The following CUL5 variants were observed in gnomAD, a reference collection of about 807,000 sequenced individuals.
CUL5 encodes the protein cullin 5.
A neutral mutation model predicts 108.8 loss-of-function variants in CUL5; 26 were observed. The ratio of observed to expected loss-of-function variants is 0.24; its 90% confidence interval spans 0.18 to 0.33. The LOEUF (loss-of-function observed/expected upper bound fraction) is 0.33, where lower values mean the gene tolerates loss of function less well. CUL5 is among the 10% of genes least tolerant of loss of function. CUL5 has a pLI of 1.00. For missense variants in CUL5, 524 were observed against 909.2 expected, an observed-to-expected ratio of 0.58 and a Z score of 5.45; for synonymous variants, 334 against 298.0, an observed-to-expected ratio of 1.12 and a Z score of -1.25.
rs564423495 is a variant in CUL5, at chr11:108,051,073, A to G, written c.411+1007A>G. On this transcript the variant is annotated intron_variant, in intron 4 of 18. Coordinates refer to ENST00000393094, the MANE Select transcript of CUL5 (RefSeq NM_003478.6). ...TACAGTAAAACACTCAGGCATTACA[A>G]TAGTGTAACCTGGGCATTGTTGCCC... Among the ~76,000 whole-genome samples, 5 of 152,324 alleles carry G rather than the reference A, an allele frequency of 3.3e-5. 1 individual carries two copies. The South Asian group carries it at 6.2e-4, about 19-fold the overall frequency.
intron 1 of CUL5, among the ~76,000 whole-genome samples, chr11:108,013,386 T>C (rs1862100930): frequency 6.6e-6 from 1 of 152,264 alleles, no homozygotes; most frequent in African/African-American, 2.4e-5. Flanking sequence ...GTTCTCACCA[T>C]ATCACTTTCC....
intron 18 of CUL5, among the ~76,000 whole-genome samples, chr11:108,101,983 T>C (rs1275183761): frequency 6.6e-6 from 1 of 152,192 alleles, no homozygotes; most frequent in Non-Finnish European, 1.5e-5. Flanking sequence ...AGGAATTCAC[T>C]TGACCTTCTG....
intron 15 of CUL5, 102 bp downstream of exon 15, chr11:108,095,089 T>C: frequency 1.0e-6 from 1 of 962,844 alleles, no homozygotes; most frequent in Non-Finnish European, 1.5e-6. Context: ...CTCTCTCACA[T>C]GTAAAAGTTT....
Position 108,015,798 on chromosome 11 carries a change from G to C in CUL5, c.24+6426G>C, listed in dbSNP as rs1006219192. On this transcript the variant is annotated intron_variant, in intron 1 of 18. Transcript: ENST00000393094. ...GTATGTTAATTAAAACTTCTAAAAG[G>C]AAGTGGCAGCTCAGGGTAAATTTTG... is the stretch of plus-strand genomic sequence containing the variant. Among the ~76,000 whole-genome samples, 24 of 152,192 alleles carry C rather than the reference G, an allele frequency of 1.6e-4. 1 individual carries two copies. The highest frequency in any genetic ancestry group is 4.8e-4 in the African/African-American group (20 of 41,446).
At chr11:108,027,901 C>T (rs548547344) in intron 1 of CUL5, among the ~76,000 whole-genome samples, 1 of 152,240 alleles carries the variant, frequency 6.6e-6, no homozygotes, top group Admixed American at 6.5e-5. Flanking sequence ...TACTTTTTGT[C>T]CAGAATACCA....
rs1308458840 is a variant in CUL5 at position 108,078,288 on chromosome 11, T to G, written c.1178+48T>G. ...TTAAAAATACTTAAATTTTCTTTAG[T>G]GTAATAGGGGTTAACTAGGTATACA... On this transcript the variant is annotated intron_variant, in intron 11 of 18. Transcript: ENST00000393094. 5 of 1,104,970 alleles carry G rather than the reference T, an allele frequency of 4.5e-6. No individual in the cohort carries two copies. In the Admixed American group the frequency reaches 6.3e-5, roughly 14 times the overall value. The allele number at this position is 1,104,970 out of a possible 1,614,324, so 68.4% of individuals were successfully genotyped here. A position where few individuals can be genotyped will look rare whatever the true frequency, so the allele number is the denominator to read the frequency against.
rs1474029256 is a variant in CUL5, at chr11:108,027,295, A to G, written c.25-6507A>G. 3.4e-5 allele frequency among the ~76,000 whole-genome samples: 5 copies of G among 147,814 alleles called. No individual in the cohort carries two copies. The East Asian group carries it at 6.0e-4, about 18-fold the overall frequency. Reference sequence around the variant, plus strand: ...CTAATTTTTTTTTTTTTTCTTTGAGACAGTCTCCCCCTGCTGTCCAGGCTG... The same window carrying G: ...CTAATTTTTTTTTTTTTTCTTTGAGGCAGTCTCCCCCTGCTGTCCAGGCTG... On this transcript the variant is annotated intron_variant, in intron 1 of 18. Coordinates refer to ENST00000393094, the MANE Select transcript of CUL5 (RefSeq NM_003478.6).
At chr11:108,039,141 C>T (rs1039607727) in intron 2 of CUL5, among the ~76,000 whole-genome samples, 2 of 152,114 alleles carry the variant, frequency 1.3e-5, no homozygotes, top group Non-Finnish European at 2.9e-5. Context: ...TTGCTTCAGC[C>T]TCCCAAGTAG....
At chr11:108,027,339 T>C (rs906242962) in intron 1 of CUL5, among the ~76,000 whole-genome samples, 1 of 151,778 alleles carries the variant, frequency 6.6e-6, no homozygotes, top group Non-Finnish European at 1.5e-5. Context: ...TGGCACAATC[T>C]TGGCTCACTG....
chr11:108,011,269 T>C (rs759746075), intron 1 of CUL5, among the ~76,000 whole-genome samples: 1 of 152,160 alleles, frequency 6.6e-6, no homozygotes, highest in Non-Finnish European at 1.5e-5. Flanking sequence ...TCTATATTAG[T>C]TAAGTACTTA....
Position 108,073,517 on chromosome 11 carries a change from TA to T in CUL5, c.1113+26del. 1 of 1,119,694 alleles carries T rather than the reference TA, an allele frequency of 8.9e-7. No individual in the cohort carries two copies. The highest frequency in any genetic ancestry group is 1.3e-6 in the Non-Finnish European group (1 of 783,224). The allele number at this position is 1,119,694 out of a possible 1,614,324, so 69.4% of individuals were successfully genotyped here. ...GATAAGGTATATATTCCTATATATA[TA>T]AAAAACACTTTTAAAAGTTTTATTC... On this transcript the variant is annotated intron_variant, in intron 10 of 18. Transcript: ENST00000393094.
chr11:108,060,029 A>G (rs895651548), intron 7 of CUL5, among the ~76,000 whole-genome samples: 4 of 152,230 alleles, frequency 2.6e-5, no homozygotes, highest in African/African-American at 7.2e-5. Flanking sequence ...TAATTCTAAG[A>G]CAAGTAAAAA....
At chr11:108,074,605 G>C (rs748970769) in intron 10 of CUL5, among the ~76,000 whole-genome samples, 17 of 151,952 alleles carry the variant, frequency 1.1e-4, no homozygotes, top group Non-Finnish European at 2.2e-4. Context: ...GGGAGTTCGA[G>C]ATCAGCCTGA....
chr11:108,049,047 TGTA>T (rs1863145019), intron 3 of CUL5, among the ~76,000 whole-genome samples: 2 of 152,174 alleles, frequency 1.3e-5, no homozygotes, highest in African/African-American at 2.4e-5. Flanking sequence ...TTCAGTGGGT[TGTA>T]GTATATTTCA....
chr11:108,081,762 T>A (rs553632281), intron 11 of CUL5, among the ~76,000 whole-genome samples: 7 of 152,170 alleles, frequency 4.6e-5, no homozygotes, highest in East Asian at 3.9e-4. Flanking sequence ...AAGAAAAAAA[T>A]CAGTTGGCTA....
intron 7 of CUL5, among the ~76,000 whole-genome samples, chr11:108,063,901 T>C (rs980700258): frequency 6.6e-6 from 1 of 152,202 alleles, no homozygotes; most frequent in Non-Finnish European, 1.5e-5. Flanking sequence ...ATATTTGTTA[T>C]TGCCTGTCTT....
chr11:108,065,157 C>T (rs1194551084), intron 7 of CUL5, among the ~76,000 whole-genome samples: 1 of 152,044 alleles, frequency 6.6e-6, no homozygotes, highest in East Asian at 1.9e-4. Flanking sequence ...TCCCAAGTAG[C>T]TGGGACTACA....
chr11:108,009,520 C>G (rs973375569), intron 1 of CUL5, 148 bp downstream of exon 1: 3 of 817,260 alleles, frequency 3.7e-6, no homozygotes, highest in Non-Finnish European at 2.0e-6. Flanking sequence ...CCGGCGAGTA[C>G]CGGAACGCGG....
intron 1 of CUL5, among the ~76,000 whole-genome samples, chr11:108,025,798 T>G (rs1176968069): frequency 6.6e-6 from 1 of 152,162 alleles, no homozygotes; most frequent in Non-Finnish European, 1.5e-5. Context: ...CAAATTCTAG[T>G]CACCTCAGCC....
Sources: gnomAD v4.1 joint callset for allele counts (sites outside exome capture counted in the v4.1 genomes callset) on GRCh38, gnomAD v4.1.1 for gene constraint, MANE v1.5 for transcripts, NCBI Gene and HGNC (gene_info 2026-07-23, HGNC 2026-07-21) for gene names.